The following MYBPC1 variants were observed in gnomAD, a reference collection of about 807,000 sequenced individuals.
MYBPC1 encodes the protein myosin-binding protein C, slow-type.
MYBPC1 carries 52 observed loss-of-function variants against 147.1 expected under a neutral mutation model. That is an observed-to-expected ratio of 0.35 (90% CI 0.28 to 0.45). MYBPC1 has a LOEUF of 0.45. Among genes scored for constraint, MYBPC1 ranks in the 20% least tolerant of loss-of-function variants. MYBPC1 has a pLI of 1.00. For synonymous variants in MYBPC1, 477 were observed against 475.9 expected (o/e 1.00, Z -0.03); for missense variants, 1,228 against 1,440.3 (o/e 0.85, Z 2.39).
At chr12:101,660,742 G>T (rs200911642) in intron 19 of MYBPC1, among the ~76,000 whole-genome samples, 1 of 25,276 alleles carries the variant, frequency 4.0e-5, no homozygotes, top group East Asian at 1.4e-3. Context: ...ACAGTTCCTT[G>T]TAGCTGGGGA....
At chr12:101,673,038 G>A (rs983206391) in intron 24 of MYBPC1, among the ~76,000 whole-genome samples, 1 of 152,132 alleles carries the variant, frequency 6.6e-6, no homozygotes, top group Admixed American at 6.5e-5. Flanking sequence ...TAGATTCCAG[G>A]GCCCCAGAGC....
intron 20 of MYBPC1, 38 bp downstream of exon 20, chr12:101,661,300 C>T (rs1896511474): frequency 7.7e-6 from 10 of 1,305,428 alleles, no homozygotes; most frequent in Non-Finnish European, 8.9e-6. Context: ...ACTGCCAGTA[C>T]AGTTGTGTCC....
At chr12:101,636,833 T>G in intron 10 of MYBPC1, 105 bp downstream of exon 10, 1 of 939,216 alleles carries the variant, frequency 1.1e-6, no homozygotes, top group Non-Finnish European at 1.7e-6. Flanking sequence ...AATTTTTCAT[T>G]TCTGAAAATG....
At chr12:101,678,261 C>A (rs200603458) in intron 28 of MYBPC1, 23 bp downstream of exon 28, 3 of 1,612,602 alleles carry the variant, frequency 1.9e-6, no homozygotes, top group African/African-American at 2.7e-5. Context: ...TCTATCACAT[C>A]AGTTAAAGTC....
Position 101,647,092 on chromosome 12 carries a change from C to T in MYBPC1, c.1090+205C>T, listed in dbSNP as rs531583214. The T allele has an allele frequency of 2.3e-5, 14 of 616,946 alleles. No individual in the cohort carries two copies. The Admixed American group carries it at 3.5e-4, about 15-fold the overall frequency. The allele number at this position is 616,946 out of a possible 1,614,324, so 38.2% of individuals were successfully genotyped here. On this transcript the variant is annotated intron_variant, in intron 13 of 31. Coordinates refer to ENST00000361466, the MANE Select transcript of MYBPC1 (RefSeq NM_002465.4). ...CAAATGCCTCATGTTTTGACTCAAG[C>T]CAAGCACTATCTTGCAAAAATAATT...
intron 10 of MYBPC1, among the ~76,000 whole-genome samples, chr12:101,638,027 C>T (rs919403162): frequency 6.6e-6 from 1 of 152,178 alleles, no homozygotes; most frequent in Admixed American, 6.5e-5. Flanking sequence ...CAACAAGTGA[C>T]TTATCCCAAG....
chr12:101,677,424 A>C, intron 27 of MYBPC1, 30 bp downstream of exon 27: 1 of 1,613,044 alleles, frequency 6.2e-7, no homozygotes. Flanking sequence ...ACATTTGAAA[A>C]CCTTGGTTGA....
chr12:101,616,594 A>G (rs1886138284), intron 2 of MYBPC1, among the ~76,000 whole-genome samples: 1 of 152,144 alleles, frequency 6.6e-6, no homozygotes, highest in South Asian at 2.1e-4. Flanking sequence ...GCAGGTCTAA[A>G]CTAATATGAT....
At chr12:101,601,308 G>A (rs1879835344) in intron 1 of MYBPC1, among the ~76,000 whole-genome samples, 1 of 152,190 alleles carries the variant, frequency 6.6e-6, no homozygotes, top group Non-Finnish European at 1.5e-5. Context: ...TCTGCTCTGT[G>A]TGGATAGGCT....
At chr12:101,635,930 C>T (rs2136108962) in intron 9 of MYBPC1, among the ~76,000 whole-genome samples, 1 of 152,268 alleles carries the variant, frequency 6.6e-6, no homozygotes, top group Admixed American at 6.5e-5. Context: ...TATGAAATCA[C>T]AGTGGTGGCT....
intron 2 of MYBPC1, among the ~76,000 whole-genome samples, chr12:101,615,666 C>CT (rs1885743517): frequency 1.4e-5 from 1 of 72,104 alleles, no homozygotes; most frequent in Non-Finnish European, 2.7e-5. Flanking sequence ...CCCCCCGCCC[C>CT]CCCCCCGCCC....
chr12:101,604,412 A>G (rs1881340332), intron 1 of MYBPC1, among the ~76,000 whole-genome samples: 1 of 152,226 alleles, frequency 6.6e-6, no homozygotes, highest in African/African-American at 2.4e-5. Context: ...ACATTAGAGT[A>G]CAGTACAGTC....
chr12:101,651,324 C>A lies in MYBPC1; in HGVS notation c.1457C>A (p.Pro486Gln), dbSNP rs139605474. The A allele has an allele frequency of 3.8e-4, 610 of 1,614,062 alleles. No homozygotes were observed. The highest frequency in any genetic ancestry group is 5.0e-4 in the Middle Eastern group (3 of 6,060). ...AAGTGTGAAATCTCTGAAAACATAC[C>A]AGGAAAATGGACTAAAAATGGCCTA... The part of the protein sequence containing the change: ...CLKCEISENI[P>Q]GKWTKNGLPV... The change falls in exon 16 of 32, where the codon CCA becomes CAA. Residue 486 changes from proline to glutamine, a missense_variant. Physicochemically the swap from Pro to Gln is moderately conservative, Grantham distance 76 (BLOSUM62 -1). Coordinates refer to ENST00000361466, the MANE Select transcript of MYBPC1 (RefSeq NM_002465.4).
intron 9 of MYBPC1, 71 bp from the exon 10 acceptor site, chr12:101,636,601 A>G: frequency 7.9e-7 from 1 of 1,259,384 alleles, no homozygotes; most frequent in East Asian, 2.3e-5. Context: ...TTACATGTAG[A>G]GTGTTTGGGG....
At chr12:101,660,380 ACT>A (rs1423811067) in intron 19 of MYBPC1, 1 of 173,094 alleles carries the variant, frequency 5.8e-6, no homozygotes, top group Non-Finnish European at 1.3e-5. Flanking sequence ...GTCTTGTAAA[ACT>A]CTTTGATTCA....
chr12:101,631,433 G>A lies in MYBPC1; in HGVS notation c.290-138G>A, dbSNP rs567216613. ...TCTAGAGCATTCATAAAAAAATCAG[G>A]ACGAATTCATTTCACAATTCCGAGG... On this transcript the variant is annotated intron_variant, in intron 6 of 31. Coordinates refer to ENST00000361466, the MANE Select transcript of MYBPC1 (RefSeq NM_002465.4). 7.1e-5 allele frequency: 71 copies of A among 1,006,890 alleles called. 1 individual carries two copies. The African/African-American group carries it at 8.9e-4, about 13-fold the overall frequency. The allele number at this position is 1,006,890 out of a possible 1,614,324, so 62.4% of individuals were successfully genotyped here. A position where few individuals can be genotyped will look rare whatever the true frequency, so the allele number is the denominator to read the frequency against.
the MYBPC1 span, among the ~76,000 whole-genome samples, chr12:101,693,136 C>T: frequency 6.6e-6 from 1 of 151,966 alleles, no homozygotes; most frequent in Admixed American, 6.6e-5. Flanking sequence ...TTAGTAGAGA[C>T]AGGGCTTCAC....
chr12:101,662,455 T>C lies in MYBPC1; in HGVS notation c.2130T>C (p.Ile710=). The change falls in exon 21 of 32, where the codon ATT becomes ATC. Residue 710 remains isoleucine, a synonymous_variant. Transcript: ENST00000361466. ...CAACTTTTGAGCCCAAGAAGATGAT[T>C]GAAGGTGTGGCCTATGAGGTCCGCA... ...KETTFEPKKM[I]EGVAYEVRIF... 1 of 1,614,258 alleles carries C rather than the reference T, an allele frequency of 6.2e-7. No homozygotes were observed. The highest frequency in any genetic ancestry group is 8.5e-7 in the Non-Finnish European group (1 of 1,180,048).
intron 9 of MYBPC1, among the ~76,000 whole-genome samples, chr12:101,636,406 C>A (rs1416304446): frequency 6.6e-6 from 1 of 152,184 alleles, no homozygotes; most frequent in African/African-American, 2.4e-5. Flanking sequence ...GGTTTTAACA[C>A]AAATCCAAGC....
Sources: allele counts gnomAD v4.1 joint callset (sites outside exome capture counted in the v4.1 genomes callset), GRCh38; gene constraint gnomAD v4.1.1; transcripts MANE v1.5; gene names NCBI Gene and HGNC (gene_info 2026-07-23, HGNC 2026-07-21).